The following TNS1 variants were observed in gnomAD, a reference collection of about 807,000 sequenced individuals.
TNS1 encodes tensin-1.
TNS1 carries 62 observed loss-of-function variants against 168.6 expected under a neutral mutation model. The ratio of observed to expected loss-of-function variants is 0.37; its 90% CI spans 0.30 to 0.45. TNS1 has a LOEUF of 0.45. Among genes scored for constraint, TNS1 ranks in the 20% least tolerant of loss-of-function variants. The pLI, the probability that TNS1 is intolerant of heterozygous loss-of-function variation, is 1.00. For missense variants in TNS1, 2,240 were observed against 2,339.4 expected, an observed-to-expected ratio of 0.96 and a Z score of 0.88; for synonymous variants, 934 against 933.2, an observed-to-expected ratio of 1.00 and a Z score of -0.02.
rs1325430962 is a variant in TNS1 at position 217,800,582 on chromosome 2, G to A, written c.*3877C>T. 3.3e-5 allele frequency: 5 copies of A among 152,298 alleles called. No homozygotes were observed. The highest frequency in any genetic ancestry group is 9.6e-5 in the African/African-American group (4 of 41,458). 9.4% of individuals were successfully genotyped at this position (152,298 alleles called of 1,614,324 possible). ...ACTTGCACATGCGCACACACGTCCTGTGTTACCACTGGCCAAGGAAACGCG... is the reference window on the plus strand; with the variant it reads ...ACTTGCACATGCGCACACACGTCCTATGTTACCACTGGCCAAGGAAACGCG... On this transcript the variant is annotated 3_prime_UTR_variant, in exon 33 of 33. Coordinates refer to ENST00000682258, the MANE Select transcript of TNS1 (RefSeq NM_001387777.1).
chr2:217,968,644 A>G (rs1957704445), intron 3 of TNS1, among the ~76,000 whole-genome samples: 1 of 152,214 alleles, frequency 6.6e-6, no homozygotes, highest in Non-Finnish European at 1.5e-5. Context: ...ATAAATAAAT[A>G]TAAACATATC....
intron 12 of TNS1, among the ~76,000 whole-genome samples, chr2:217,889,971 C>T (rs758837181): frequency 4.6e-5 from 7 of 152,244 alleles, no homozygotes; most frequent in Non-Finnish European, 8.8e-5. Flanking sequence ...CAACATGTCA[C>T]CCACGGAGCA....
Position 217,812,440 on chromosome 2 carries a change from G to A in TNS1, c.4960C>T (p.Leu1654=). The A allele has an allele frequency of 1.9e-6, 3 of 1,614,080 alleles. No homozygotes were observed. Among genetic ancestry groups the A allele is most frequent in the Non-Finnish European group, 1.7e-6 (2 of 1,180,006 alleles). ...GAGTGCTGGTAGACCAGGGCAGACA[G>A]CGATCCTGTAGGGAGGCAGACGGCA... ...GCPNEPNFGS[L]SALVYQHSII... The change falls in exon 28 of 33, where the codon CTG becomes TTG. Residue 1654 remains leucine, a synonymous_variant. Transcript: ENST00000682258.
At chr2:217,838,343 C>T (rs767479053) in intron 19 of TNS1, among the ~76,000 whole-genome samples, 2 of 152,234 alleles carry the variant, frequency 1.3e-5, no homozygotes, top group Non-Finnish European at 2.9e-5. Context: ...CCACAGATGC[C>T]TGCAGCAGCT....
At position 218,026,279 on chromosome 2, in the gene TNS1, C is replaced by T. The variant is rs555524532; in HGVS notation, c.156+7541G>A. Among the ~76,000 whole-genome samples the T allele has an allele frequency of 3.7e-4, 56 of 152,226 alleles. No individual in the cohort carries two copies. In the South Asian group the frequency reaches 0.012, roughly 32 times the overall value. On this transcript the variant is annotated intron_variant, in intron 1 of 1. Transcript: ENST00000649572. ...TGGAACTCAGTGTAAGCTCGAAGGC[C>T]GCTTGTACACCTACTCCCTTACACT... is the stretch of plus-strand genomic sequence containing the variant.
At chr2:217,840,499 GA>G (rs1210592096) in intron 19 of TNS1, among the ~76,000 whole-genome samples, 3 of 152,264 alleles carry the variant, frequency 2.0e-5, no homozygotes, top group Middle Eastern at 3.2e-3. Flanking sequence ...AAACAGTTAA[GA>G]AACTTGCCCA....
intron 2 of TNS1, among the ~76,000 whole-genome samples, chr2:217,983,513 G>A (rs1336028642): frequency 1.3e-5 from 2 of 152,162 alleles, no homozygotes; most frequent in Non-Finnish European, 2.9e-5. Context: ...CTGGGGTGAA[G>A]AACTGCACCC....
At chr2:217,921,982 G>A (rs143078384) in intron 3 of TNS1, among the ~76,000 whole-genome samples, 1 of 152,330 alleles carries the variant, frequency 6.6e-6, no homozygotes, top group Non-Finnish European at 1.5e-5. Flanking sequence ...GACATGTGAA[G>A]GGAAGCTTAT....
At chr2:218,023,933 T>C (rs113257192) in intron 1 of TNS1, among the ~76,000 whole-genome samples, 8 of 150,482 alleles carry the variant, frequency 5.3e-5, no homozygotes, top group Admixed American at 2.7e-4. Flanking sequence ...GTCAGCAGAC[T>C]TCAGAGAGTG....
intron 19 of TNS1, among the ~76,000 whole-genome samples, chr2:217,843,543 C>T (rs1009973118): frequency 8.5e-5 from 13 of 152,132 alleles, no homozygotes; most frequent in African/African-American, 2.9e-4. Context: ...ATCCTCAATC[C>T]CCCACAGTCT....
chr2:217,922,442 T>G (rs1955772695), intron 3 of TNS1, among the ~76,000 whole-genome samples: 1 of 152,054 alleles, frequency 6.6e-6, no homozygotes, highest in South Asian at 2.1e-4. Flanking sequence ...GAGCTTGGGC[T>G]GGGCAGGGAC....
chr2:217,890,010 C>T (rs868351906), intron 12 of TNS1, among the ~76,000 whole-genome samples: 2 of 152,232 alleles, frequency 1.3e-5, no homozygotes, highest in Admixed American at 6.5e-5. Context: ...GGTCACACAA[C>T]CAGGAGGCAC....
At chr2:217,921,824 T>A (rs1955722022) in intron 3 of TNS1, among the ~76,000 whole-genome samples, 1 of 152,202 alleles carries the variant, frequency 6.6e-6, no homozygotes, top group Non-Finnish European at 1.5e-5. Context: ...CTGTTAACAT[T>A]TTTAATCCTT....
chr2:218,025,655 C>T (rs1958844485), intron 1 of TNS1, among the ~76,000 whole-genome samples: 2 of 152,008 alleles, frequency 1.3e-5, no homozygotes. Context: ...TAAGGCAGAT[C>T]CCTGCCTGGG....
At chr2:217,820,073 A>T (rs1942577229) in intron 23 of TNS1, among the ~76,000 whole-genome samples, 1 of 152,178 alleles carries the variant, frequency 6.6e-6, no homozygotes, top group Non-Finnish European at 1.5e-5. Flanking sequence ...CCAAAGCAGA[A>T]GGCCACCTCC....
intron 7 of TNS1, among the ~76,000 whole-genome samples, chr2:217,898,844 CT>C (rs1952612889): frequency 6.6e-6 from 1 of 152,220 alleles, no homozygotes; most frequent in Non-Finnish European, 1.5e-5. Flanking sequence ...CCCAACTTTT[CT>C]TCCAGAGGAA....
chr2:217,923,534 C>T (rs927531269), intron 3 of TNS1, among the ~76,000 whole-genome samples: 1 of 152,130 alleles, frequency 6.6e-6, no homozygotes, highest in African/African-American at 2.4e-5. Context: ...ACAGGAGGCA[C>T]GATGCAAAGT....
intron 20 of TNS1, 75 bp downstream of exon 20, chr2:217,835,940 G>A: frequency 7.5e-7 from 1 of 1,335,706 alleles, no homozygotes; most frequent in East Asian, 2.3e-5. Flanking sequence ...GTGCCAAGTT[G>A]ACCATCAGGT....
At chr2:217,857,387 T>C (rs1045000245) in intron 18 of TNS1, among the ~76,000 whole-genome samples, 8 of 152,136 alleles carry the variant, frequency 5.3e-5, no homozygotes, top group African/African-American at 9.7e-5. Context: ...TGGCTCCCTA[T>C]TCAGTGCTCT....
Sources: allele counts gnomAD v4.1 joint callset (sites outside exome capture counted in the v4.1 genomes callset), GRCh38; gene constraint gnomAD v4.1.1; transcripts MANE v1.5; gene names NCBI Gene and HGNC (gene_info 2026-07-23, HGNC 2026-07-21).